Variants in RIF1 observed in about 807,000 individuals in gnomAD.
RIF1 encodes the protein telomere-associated protein RIF1.
A neutral mutation model predicts 247.1 loss-of-function variants in RIF1; 45 were observed. That is an observed-to-expected ratio of 0.18 (90% confidence interval 0.14 to 0.23). The LOEUF is 0.23. RIF1 is among the 10% of genes least tolerant of loss of function. The probability of loss-of-function intolerance (pLI) is 1.00; values close to 1 mark genes in which losing one functional copy is unlikely to be tolerated. For synonymous variants in RIF1, 1,087 were observed against 978.8 expected (o/e 1.11, Z -2.06); for missense variants, 2,967 against 2,862.5 (o/e 1.04, Z -0.83).
the RIF1 span, among the ~76,000 whole-genome samples, chr2:151,528,970 C>T: frequency 6.6e-6 from 1 of 152,226 alleles, no homozygotes; most frequent in Non-Finnish European, 1.5e-5. Context: ...ACCGCAAAAG[C>T]TGAGTGGGTG....
intron 12 of RIF1, chr2:151,505,488 T>C (rs753611103): frequency 6.2e-7 from 1 of 1,613,764 alleles, no homozygotes; most frequent in Non-Finnish European, 8.5e-7. Flanking sequence ...CGAGCTAATG[T>C]GCTTCTGCGT....
intron 10 of RIF1, chr2:151,497,874 A>C (rs2061358921): frequency 3.3e-6 from 5 of 1,503,900 alleles, no homozygotes; most frequent in Non-Finnish European, 4.4e-6. Flanking sequence ...TGTTGTTGGG[A>C]TAGGGAATCT....
rs1481356421 is a variant in RIF1 at position 151,503,379 on chromosome 2, T to C, written c.*861+194T>C. The C allele has an allele frequency of 2.5e-6, 4 of 1,612,354 alleles. No individual in the cohort carries two copies. The East Asian group carries it at 6.7e-5, about 27-fold the overall frequency. On this transcript the variant is annotated intron_variant and NMD_transcript_variant, in intron 12 of 13. Coordinates refer to the RIF1 transcript ENST00000454583. ...TAAAGTTCTCTTGATTGCGTTTGACTCTCTCAATCTCTGGAGTCACAGTGG... is the reference window on the plus strand; with the variant it reads ...TAAAGTTCTCTTGATTGCGTTTGACCCTCTCAATCTCTGGAGTCACAGTGG...
intron 8 of RIF1, among the ~76,000 whole-genome samples, chr2:151,424,563 G>A (rs978344915): frequency 6.6e-6 from 1 of 152,144 alleles, no homozygotes; most frequent in Admixed American, 6.6e-5. Flanking sequence ...GTAAACACCA[G>A]TGTACAAATC....
At position 151,472,908 on chromosome 2, in the gene RIF1, C is replaced by G. The variant is rs559358109; in HGVS notation, c.7096-1056C>G. On this transcript the variant is annotated intron_variant, in intron 34 of 35. Transcript: ENST00000444746. ...CATAAAAAGAGTTAGTGAGGATTCC[C>G]TCTTTTTCTATTGATTGGAATAGTT... 3.3e-5 allele frequency among the ~76,000 whole-genome samples: 5 copies of G among 152,256 alleles called. No individual in the cohort carries two copies. In the South Asian group the frequency reaches 1.0e-3, roughly 32 times the overall value.
the RIF1 span, among the ~76,000 whole-genome samples, chr2:151,533,935 T>C: frequency 2.5e-3 from 385 of 152,358 alleles, no homozygotes; most frequent in African/African-American, 8.6e-3. Flanking sequence ...ATCTGCAGTT[T>C]ACAGTTGCAG....
the RIF1 span, among the ~76,000 whole-genome samples, chr2:151,526,622 T>C: frequency 1.3e-5 from 2 of 152,128 alleles, no homozygotes; most frequent in African/African-American, 4.8e-5. Context: ...AGAAAACAAA[T>C]CATGGCGTTT....
chr2:151,475,144 A>G lies in RIF1; in HGVS notation c.*73A>G. On this transcript the variant is annotated 3_prime_UTR_variant, in exon 36 of 36. Coordinates refer to ENST00000444746, the MANE Select transcript of RIF1 (RefSeq NM_018151.5). ...TGATTGAGGAAACAAGTTCTGAAATAATAGCACAATTTCAAAGAAGAGACT... is the reference window on the plus strand; with the variant it reads ...TGATTGAGGAAACAAGTTCTGAAATGATAGCACAATTTCAAAGAAGAGACT... The G allele has an allele frequency of 2.9e-6, 3 of 1,027,012 alleles. No homozygotes were observed. The highest frequency in any genetic ancestry group is 4.5e-6 in the Non-Finnish European group (3 of 667,280). 63.6% of individuals were successfully genotyped at this position (1,027,012 alleles called of 1,614,324 possible).
intron 20 of RIF1, among the ~76,000 whole-genome samples, chr2:151,449,555 A>G (rs1481031186): frequency 6.6e-6 from 1 of 152,126 alleles, no homozygotes; most frequent in East Asian, 1.9e-4. Context: ...GGGTTCAAGC[A>G]GTCATCCTGC....
intron 20 of RIF1, among the ~76,000 whole-genome samples, chr2:151,449,766 G>C (rs1693941102): frequency 6.7e-6 from 1 of 150,104 alleles, no homozygotes; most frequent in South Asian, 2.1e-4. Context: ...GAATGGTTTT[G>C]TTTTAAAGCT....
downstream of RIF1, among the ~76,000 whole-genome samples, chr2:151,482,874 C>A (rs2049225603): frequency 6.6e-6 from 1 of 152,142 alleles, no homozygotes; most frequent in African/African-American, 2.4e-5. Flanking sequence ...CCATACCTCT[C>A]CCCAGCTAGC....
chr2:151,496,282 A>G lies in RIF1; in HGVS notation c.*513+956A>G, dbSNP rs746456810. On this transcript the variant is annotated intron_variant and NMD_transcript_variant, in intron 10 of 13. Coordinates refer to the RIF1 transcript ENST00000454583. ...TTCTTTTCTCGCCAAGTACCGAGCT[A>G]ATATTTTCTTGATTGTGTTTGACTC... 4 of 1,607,424 alleles carry G rather than the reference A, an allele frequency of 2.5e-6. No individual in the cohort carries two copies. Among genetic ancestry groups the G allele is most frequent in the Non-Finnish European group, 1.7e-6 (2 of 1,175,370 alleles).
At chr2:151,488,587 A>G (rs1452479477) in intron 9 of RIF1, among the ~76,000 whole-genome samples, 2 of 152,126 alleles carry the variant, frequency 1.3e-5, no homozygotes, top group South Asian at 2.1e-4. Flanking sequence ...TCGAGACTGC[A>G]GCGAGCTGTG....
At chr2:151,494,638 T>TTTTTG (rs967541991) in intron 9 of RIF1, among the ~76,000 whole-genome samples, 13 of 152,226 alleles carry the variant, frequency 8.5e-5, no homozygotes, top group Middle Eastern at 3.4e-3. Context: ...TGTTTGTTTT[T>TTTTTG]TTTTGTTTTG....
At chr2:151,444,298 C>T (rs1574026889) in intron 18 of RIF1, among the ~76,000 whole-genome samples, 1 of 152,012 alleles carries the variant, frequency 6.6e-6, no homozygotes, top group African/African-American at 2.4e-5. Flanking sequence ...TGAAATAACT[C>T]GAAGGAATTT....
At chr2:151,469,674 C>T (rs1697501695) in intron 33 of RIF1, 37 bp from the exon 34 acceptor site, 2 of 1,411,034 alleles carry the variant, frequency 1.4e-6, no homozygotes, top group African/African-American at 2.9e-5. Context: ...ATAAATAAAA[C>T]TATATAATTA....
chr2:151,429,882 AT>A (rs1398877684), intron 9 of RIF1, among the ~76,000 whole-genome samples: 3 of 152,210 alleles, frequency 2.0e-5, no homozygotes, highest in African/African-American at 2.4e-5. Flanking sequence ...CTTAGATTTA[AT>A]TAACACTGTA....
At chr2:151,532,415 GAAAC>G in the RIF1 span, among the ~76,000 whole-genome samples, 1 of 152,132 alleles carries the variant, frequency 6.6e-6, no homozygotes, top group African/African-American at 2.4e-5. Flanking sequence ...TGTCAAAGAT[GAAAC>G]AGGGATGTAA....
chr2:151,519,153 G>A, the RIF1 span: 30 of 881,684 alleles, frequency 3.4e-5, no homozygotes, highest in African/African-American at 2.3e-4. Context: ...ATAGCCCATC[G>A]TCAAACAAAT....
Sources: allele counts gnomAD v4.1 joint callset (sites outside exome capture counted in the v4.1 genomes callset), GRCh38; gene constraint gnomAD v4.1.1; transcripts MANE v1.5; gene names NCBI Gene and HGNC (gene_info 2026-07-23, HGNC 2026-07-21).